EPHA6: variants seen among roughly 807,000 people sequenced by gnomAD.
EPHA6 encodes EPH receptor A6.
A neutral mutation model predicts 112.0 loss-of-function variants in EPHA6; 50 were observed. The ratio of observed to expected loss-of-function variants is 0.45; its 90% CI spans 0.36 to 0.56. The LOEUF is 0.56. Ranked by LOEUF, EPHA6 falls within the 20% of genes least tolerant of loss-of-function variation. The pLI, the probability that EPHA6 is intolerant of heterozygous loss-of-function variation, is 0.00. For synonymous variants in EPHA6, 529 were observed against 490.7 expected, an observed-to-expected ratio of 1.08 and a Z score of -1.03; for missense variants, 1,280 against 1,417.4, an observed-to-expected ratio of 0.90 and a Z score of 1.56.
chr3:97,367,258 T>A (rs2084787421), intron 5 of EPHA6, among the ~76,000 whole-genome samples: 1 of 152,206 alleles, frequency 6.6e-6, no homozygotes, highest in Non-Finnish European at 1.5e-5. Flanking sequence ...CCTTTTTTTA[T>A]GTGAACCCAT....
chr3:97,440,387 A>G (rs928637057), intron 6 of EPHA6, among the ~76,000 whole-genome samples: 2 of 152,006 alleles, frequency 1.3e-5, no homozygotes, highest in Admixed American at 6.6e-5. Flanking sequence ...TGATTTCCTC[A>G]ATTGATATAG....
intron 5 of EPHA6, among the ~76,000 whole-genome samples, chr3:97,341,520 A>G (rs1426796314): frequency 6.6e-6 from 1 of 151,966 alleles, no homozygotes; most frequent in Non-Finnish European, 1.5e-5. Flanking sequence ...ACGCCTGGCT[A>G]ATTTTTGTAT....
In EPHA6 at chr3:97,608,782, G is replaced by A. The variant is rs535518536; in HGVS notation, c.2513-2011G>A. Among the ~76,000 whole-genome samples, 3 of 151,394 alleles carry A rather than the reference G, an allele frequency of 2.0e-5. No individual in the cohort carries two copies. In the East Asian group the frequency reaches 5.8e-4, roughly 29 times the overall value. On this transcript the variant is annotated intron_variant, in intron 12 of 17. Coordinates refer to ENST00000389672, the MANE Select transcript of EPHA6 (RefSeq NM_001080448.3). ...AGCCGTGGATACAAAGGCTAGTTAGGAAAGATGAGGTGCATCACTGGAAAG... is the reference window on the plus strand; with the variant it reads ...AGCCGTGGATACAAAGGCTAGTTAGAAAAGATGAGGTGCATCACTGGAAAG...
At chr3:97,524,845 A>T (rs1200099869) in intron 10 of EPHA6, among the ~76,000 whole-genome samples, 2 of 152,124 alleles carry the variant, frequency 1.3e-5, no homozygotes. Flanking sequence ...GTATAGTCCT[A>T]TGGGAGATCA....
intron 5 of EPHA6, among the ~76,000 whole-genome samples, chr3:97,388,188 T>TTGA (rs2086183077): frequency 6.6e-6 from 1 of 152,190 alleles, no homozygotes; most frequent in African/African-American, 2.4e-5. Flanking sequence ...AAATGGCTTT[T>TTGA]TGATACATGT....
chr3:97,458,067 C>CAAAAA (rs68128372), intron 7 of EPHA6, among the ~76,000 whole-genome samples: 11 of 50,586 alleles, frequency 2.2e-4, no homozygotes, highest in African/African-American at 5.4e-4. Context: ...GACTCCGTCT[C>CAAAAA]AAAAAAAAAA....
intron 3 of EPHA6, among the ~76,000 whole-genome samples, chr3:97,060,951 G>A (rs1488065158): frequency 8.0e-4 from 67 of 83,816 alleles, no homozygotes; most frequent in Admixed American, 1.2e-3. Context: ...AAAAAAAAAA[G>A]TCAGCTAACA....
intron 14 of EPHA6, among the ~76,000 whole-genome samples, chr3:97,706,553 C>T (rs1424258317): frequency 6.6e-6 from 1 of 152,166 alleles, no homozygotes; most frequent in Non-Finnish European, 1.5e-5. Context: ...TTCTTAGACT[C>T]TTAGTGGCAG....
chr3:97,198,641 T>A (rs190671440), intron 3 of EPHA6, among the ~76,000 whole-genome samples: 31 of 152,266 alleles, frequency 2.0e-4, no homozygotes, highest in African/African-American at 7.5e-4. Flanking sequence ...CTTTGGGAAC[T>A]AAAACCTAAG....
chr3:96,919,894 A>G (rs1341557486), intron 2 of EPHA6, among the ~76,000 whole-genome samples: 1 of 151,898 alleles, frequency 6.6e-6, no homozygotes, highest in African/African-American at 2.4e-5. Context: ...ATCTCAAAAG[A>G]TCGAAGTTCT....
At position 97,069,662 on chromosome 3, in the gene EPHA6, T is replaced by G. The variant is rs1384247776; in HGVS notation, c.1114+81669T>G. Among the ~76,000 whole-genome samples, 3 of 152,270 alleles carry G rather than the reference T, an allele frequency of 2.0e-5. No homozygotes were observed. The East Asian group carries it at 5.8e-4, about 29-fold the overall frequency. ...TGTATGGCAGTCTAATGATGTAGCA[T>G]ATAACAGCTGTAAACACAATAAAGT... On this transcript the variant is annotated intron_variant, in intron 3 of 17. Transcript: ENST00000389672.
At chr3:97,747,644 G>T in intron 17 of EPHA6, 72 bp downstream of exon 17, 1 of 1,345,756 alleles carries the variant, frequency 7.4e-7, no homozygotes, top group East Asian at 2.7e-5. Context: ...GCTGTATCAA[G>T]AACACCTTTC....
chr3:97,460,243 T>A (rs2107380091), intron 7 of EPHA6, among the ~76,000 whole-genome samples: 1 of 152,330 alleles, frequency 6.6e-6, no homozygotes, highest in East Asian at 1.9e-4. Context: ...ATAAATGAAA[T>A]AAAGCAAACA....
chr3:97,229,579 C>A (rs2078461854), intron 4 of EPHA6, among the ~76,000 whole-genome samples: 1 of 151,978 alleles, frequency 6.6e-6, no homozygotes, highest in Non-Finnish European at 1.5e-5. Flanking sequence ...TGAATTGGTA[C>A]CAAAATTTTG....
At chr3:97,250,499 A>G (rs983544931) in intron 5 of EPHA6, among the ~76,000 whole-genome samples, 1 of 152,220 alleles carries the variant, frequency 6.6e-6, no homozygotes, top group Non-Finnish European at 1.5e-5. Context: ...TACTATATCA[A>G]CAATTTTAAT....
chr3:96,919,712 A>G (rs188050676), intron 2 of EPHA6, among the ~76,000 whole-genome samples: 3 of 151,894 alleles, frequency 2.0e-5, no homozygotes, highest in South Asian at 2.1e-4. Context: ...CTCCAATAAT[A>G]CTTTTCTTAA....
chr3:97,400,374 A>G (rs2109103537), intron 5 of EPHA6, among the ~76,000 whole-genome samples: 1 of 151,878 alleles, frequency 6.6e-6, no homozygotes, highest in South Asian at 2.1e-4. Flanking sequence ...TATATTTTGA[A>G]GTCAGGCAGT....
chr3:97,135,187 C>T (rs1196608250), intron 3 of EPHA6, among the ~76,000 whole-genome samples: 2 of 152,112 alleles, frequency 1.3e-5, no homozygotes, highest in African/African-American at 2.4e-5. Context: ...CAGGATATGA[C>T]ACAGTGGCAC....
At chr3:97,743,882 C>G (rs543312490) in intron 16 of EPHA6, among the ~76,000 whole-genome samples, 2 of 151,918 alleles carry the variant, frequency 1.3e-5, no homozygotes, top group Admixed American at 1.3e-4. Context: ...GAGGATAAAA[C>G]ACTTCTTGCT....
Sources: allele counts gnomAD v4.1 joint callset (sites outside exome capture counted in the v4.1 genomes callset), GRCh38; gene constraint gnomAD v4.1.1; transcripts MANE v1.5; gene names NCBI Gene and HGNC (gene_info 2026-07-23, HGNC 2026-07-21).